The following DHCR7 variants were observed in gnomAD, a reference collection of about 807,000 sequenced individuals.
DHCR7 encodes 7-DHC reductase.
In DHCR7, 40 loss-of-function variants were observed where a neutral mutation model predicts 43.3. That is an observed-to-expected ratio of 0.92 (90% confidence interval 0.72 to 1.20). The LOEUF is 1.20. Ranked by LOEUF, DHCR7 falls within the 50% of genes most tolerant of loss-of-function variation. The pLI is 0.00. For synonymous variants in DHCR7, 298 were observed against 271.4 expected (o/e 1.10, Z -0.96); for missense variants, 608 against 644.6 (o/e 0.94, Z 0.62).
At chr11:71,433,635 T>C (rs1280654547), downstream of DHCR7, among the ~76,000 whole-genome samples, 6 of 152,166 alleles carry the variant, frequency 3.9e-5, no homozygotes, top group Non-Finnish European at 8.8e-5. Context: ...CTGAAGGTCA[T>C]ACAGCTCTTA....
chr11:71,446,723 C>G (rs376570070), intron 2 of DHCR7, among the ~76,000 whole-genome samples: 1 of 152,338 alleles, frequency 6.6e-6, no homozygotes, highest in East Asian at 1.9e-4. Flanking sequence ...CTTCAGTACC[C>G]GCACTTCATT....
Position 71,446,530 on chromosome 11 carries a change from A to C in DHCR7, c.-7+1080T>G, listed in dbSNP as rs554886761. On this transcript the variant is annotated intron_variant, in intron 2 of 8. Transcript: ENST00000355527. ...CAACAACACAAAAGTAGCTGAAAGA[A>C]TGAAAAGTGTTTGCTGCTGGCAAGC... Among the ~76,000 whole-genome samples the C allele has an allele frequency of 1.6e-4, 24 of 152,374 alleles. No individual in the cohort carries two copies. In the South Asian group the frequency reaches 4.8e-3, roughly 30 times the overall value.
chr11:71,436,716 G>T (rs1044446065), intron 8 of DHCR7, among the ~76,000 whole-genome samples: 1 of 151,792 alleles, frequency 6.6e-6, no homozygotes, highest in South Asian at 2.1e-4. Flanking sequence ...CTCTTCCCTG[G>T]GGCTCCAGGC....
intron 7 of DHCR7, among the ~76,000 whole-genome samples, chr11:71,438,378 C>A (rs1358214031): frequency 2.0e-5 from 3 of 152,160 alleles, no homozygotes; most frequent in Non-Finnish European, 2.9e-5. Context: ...CCACCCTGCA[C>A]CCCAGCTCAG....
In DHCR7 at chr11:71,441,323, C is replaced by T; in HGVS notation, c.530G>A (p.Trp177Ter). Residue 177 changes from tryptophan (W) to a stop codon, truncating the protein, a stop_gained, in exon 6 of 9, where the codon TGG (tryptophan) becomes TAG (stop). Coordinates refer to ENST00000355527, the MANE Select transcript of DHCR7 (RefSeq NM_001360.3). LOFTEE classifies it high-confidence loss of function. Reference sequence around the variant, plus strand: ...GTTGGCGCACCACAGCAGTGGGATCCAGTTGTCGAAGATGATGGTGGGCGA... The same window carrying T: ...GTTGGCGCACCACAGCAGTGGGATCTAGTTGTCGAAGATGATGGTGGGCGA... ...WFSPTIIFDN[W>*]IPLLWCANIL... 1 of 1,614,204 alleles carries T rather than the reference C, an allele frequency of 6.2e-7. No individual in the cohort carries two copies. Among genetic ancestry groups the T allele is most frequent in the Non-Finnish European group, 8.5e-7 (1 of 1,180,038 alleles).
chr11:71,442,229 G>C, intron 5 of DHCR7, 34 bp downstream of exon 5: 5 of 1,510,358 alleles, frequency 3.3e-6, no homozygotes, highest in Non-Finnish European at 4.6e-6. Context: ...GGATGAGAAC[G>C]GGAGCCTGGG....
chr11:71,443,952 C>T (rs762382603), intron 4 of DHCR7, 41 bp downstream of exon 4: 54 of 1,544,908 alleles, frequency 3.5e-5, no homozygotes, highest in Non-Finnish European at 4.5e-5. Context: ...GGGCACGCTC[C>T]CCACCTGCTG....
chr11:71,444,753 T>C, intron 3 of DHCR7, 102 bp downstream of exon 3: 1 of 1,052,420 alleles, frequency 9.5e-7, no homozygotes, highest in Non-Finnish European at 1.4e-6. Context: ...AAATCTTTTT[T>C]AAAAAGGTCC....
exon 3 of DHCR7, chr11:71,428,691 C>G (rs1215656914): frequency 2.7e-5 from 10 of 368,942 alleles, no homozygotes; most frequent in Admixed American, 1.8e-4. Flanking sequence ...CCGTGGTGAA[C>G]CTCCCTGCAG....
downstream of DHCR7, among the ~76,000 whole-genome samples, chr11:71,432,956 G>A (rs187795068): frequency 5.5e-4 from 84 of 152,356 alleles, no homozygotes; most frequent in African/African-American, 1.9e-3. Flanking sequence ...GCCTCACCTC[G>A]CTTTCGAAGG....
In DHCR7 at chr11:71,438,926, G is replaced by C. The variant is rs754553051; in HGVS notation, c.784C>G (p.Leu262Val). The C allele has an allele frequency of 3.1e-6, 5 of 1,614,004 alleles. No homozygotes were observed. The highest frequency in any genetic ancestry group is 4.2e-6 in the Non-Finnish European group (5 of 1,180,052). The change falls in exon 7 of 9, where the codon CTC becomes GTC. Residue 262 changes from leucine (L) to valine (V), a missense_variant. Transcript: ENST00000355527. ...NLSFAAKQRELHSHVTNAMVL... is the reference protein window; with the variant it reads ...NLSFAAKQREVHSHVTNAMVL... ...ATGGCATTGGTCACATGGCTGTGGA[G>C]CTCCCGCTGCTTCGCTGCGAAGGAC...
At chr11:71,428,855 G>T in intron 2 of DHCR7, 1 of 456,306 alleles carries the variant, frequency 2.2e-6, no homozygotes, top group South Asian at 1.5e-5. Flanking sequence ...TTTCTCATCT[G>T]CAAGGCAAGT....
downstream of DHCR7, among the ~76,000 whole-genome samples, chr11:71,427,496 G>A (rs973604265): frequency 1.2e-4 from 19 of 152,242 alleles, no homozygotes; most frequent in African/African-American, 4.3e-4. Flanking sequence ...GATATTGACC[G>A]TGTATCCTGC....
rs539734787 is a variant in DHCR7, at chr11:71,442,576, C to T, written c.322-223G>A. Reference sequence around the variant, plus strand: ...AGGCGTTCTCCCCCAGGGCTCCATTCGCCCCTCAGGAGAGCGCACAGGTCC... The same window carrying T: ...AGGCGTTCTCCCCCAGGGCTCCATTTGCCCCTCAGGAGAGCGCACAGGTCC... On this transcript the variant is annotated intron_variant, in intron 4 of 8. Transcript: ENST00000355527. 4.9e-4 allele frequency among the ~76,000 whole-genome samples: 75 copies of T among 152,268 alleles called. 2 individuals carry two copies. In the South Asian group the frequency reaches 0.015, roughly 29 times the overall value.
At chr11:71,427,873 G>A (rs946735132), downstream of DHCR7, among the ~76,000 whole-genome samples, 2 of 152,116 alleles carry the variant, frequency 1.3e-5, no homozygotes, top group African/African-American at 4.8e-5. Flanking sequence ...GCCTTATACC[G>A]TATCCAGCCT....
chr11:71,446,413 TCTGA>T (rs1396285232), intron 2 of DHCR7, among the ~76,000 whole-genome samples: 1 of 152,248 alleles, frequency 6.6e-6, no homozygotes, highest in African/African-American at 2.4e-5. Flanking sequence ...CAATGTATAC[TCTGA>T]CTATTTATTG....
chr11:71,444,973 A>G lies in DHCR7; in HGVS notation c.-6-15T>C. On this transcript the variant is annotated splice_polypyrimidine_tract_variant and intron_variant, in intron 2 of 8. Transcript: ENST00000355527. Reference sequence around the variant, plus strand: ...GCCATTGGGCCCTGCAAGAAAGAGAACCTTGCTTACATTATCCCTCAAATA... The same window carrying G: ...GCCATTGGGCCCTGCAAGAAAGAGAGCCTTGCTTACATTATCCCTCAAATA... 1 of 1,604,604 alleles carries G rather than the reference A, an allele frequency of 6.2e-7. No homozygotes were observed. The highest frequency in any genetic ancestry group is 8.5e-7 in the Non-Finnish European group (1 of 1,171,350).
chr11:71,435,665 A>G lies in DHCR7; in HGVS notation c.1138T>C (p.Cys380Arg), dbSNP rs373306653. 4.3e-6 allele frequency: 7 copies of G among 1,612,912 alleles called. No homozygotes were observed. The highest frequency in any genetic ancestry group is 1.3e-5 in the African/African-American group (1 of 74,936). ...TGCCCATCGGCGGATGTGTAGGAGC[A>G]CTCGATGACCTTGGGCTTCCTGCCC... ...IWGRKPKVIE[C>R]SYTSADGQRH... The change falls in exon 9 of 9, where the codon TGC (cysteine) becomes CGC (arginine). Residue 380 changes from cysteine (C) to arginine (R), a missense_variant. Coordinates refer to ENST00000355527, the MANE Select transcript of DHCR7 (RefSeq NM_001360.3).
chr11:71,448,110 G>A (rs1949423394), intron 1 of DHCR7, 180 bp downstream of exon 1: 1 of 152,626 alleles, frequency 6.6e-6, no homozygotes, highest in Non-Finnish European at 1.5e-5. Context: ...CCTCCGCCCC[G>A]CCTCCCCGGA....
Sources: allele counts gnomAD v4.1 joint callset (sites outside exome capture counted in the v4.1 genomes callset), GRCh38; gene constraint gnomAD v4.1.1; transcripts MANE v1.5; gene names NCBI Gene and HGNC (gene_info 2026-07-23, HGNC 2026-07-21).